Variants in CROCC2 observed in about 807,000 individuals in gnomAD.
CROCC2 encodes the protein ciliary rootlet coiled-coil protein 2.
In CROCC2, 163 loss-of-function variants were observed where a neutral mutation model predicts 177.6. The observed-to-expected ratio is 0.92, with a 90% CI of 0.81 to 1.05. The LOEUF (loss-of-function observed/expected upper bound fraction) is 1.05. CROCC2 is among the 50% of genes least tolerant of loss of function. CROCC2 has a pLI of 0.00. For synonymous variants in CROCC2, 904 were observed against 787.3 expected (o/e 1.15, Z -2.48); for missense variants, 1,929 against 1,797.8 (o/e 1.07, Z -1.32).
At chr2:240,971,410 G>A (rs1045504575) in intron 27 of CROCC2, among the ~76,000 whole-genome samples, 9 of 152,164 alleles carry the variant, frequency 5.9e-5, no homozygotes, top group Admixed American at 2.6e-4. Flanking sequence ...GGGTGGGGCC[G>A]CTCATGGCAT....
intron 27 of CROCC2, among the ~76,000 whole-genome samples, chr2:240,970,703 AG>A (rs923799915): frequency 6.6e-6 from 1 of 152,002 alleles, no homozygotes; most frequent in Non-Finnish European, 1.5e-5. Flanking sequence ...CCTGCTCCCC[AG>A]GGGGGCTCTG....
chr2:240,955,780 C>G (rs1465098692), intron 18 of CROCC2, 79 bp from the exon 19 acceptor site: 5 of 974,738 alleles, frequency 5.1e-6, no homozygotes, highest in Non-Finnish European at 7.8e-6. Context: ...CATTCTGCCA[C>G]AGCCTCTCCT....
chr2:240,906,604 G>C lies in CROCC2; in HGVS notation c.78+13G>C, dbSNP rs1160971801. On this transcript the variant is annotated intron_variant, in intron 1 of 31. Transcript: ENST00000690015. ...CACCGTGATCCAGGTCAGTGGGGTG[G>C]TCACTTCCCTGCACCCTCCTGAGAG... 4 of 398,994 alleles carry C rather than the reference G, an allele frequency of 1.0e-5. No individual in the cohort carries two copies. The highest frequency in any genetic ancestry group is 8.8e-5 in the Admixed American group (2 of 22,716). 24.7% of individuals were successfully genotyped at this position (398,994 alleles called of 1,614,324 possible).
rs565863475 is a variant in CROCC2 at position 240,965,989 on chromosome 2, C to G, written c.3957C>G (p.Thr1319=). 189 of 1,366,366 alleles carry G rather than the reference C, an allele frequency of 1.4e-4. 1 individual carries two copies. The Middle Eastern group carries it at 1.8e-3, about 13-fold the overall frequency. The allele number at this position is 1,366,366 out of a possible 1,614,324, so 84.6% of individuals were successfully genotyped here. ...CCCCGGAGCAGCCTGGTTCCCCCACCAAAGGTCAGAGTCCTCAGTGGAGGC... is the reference window on the plus strand; with the variant it reads ...CCCCGGAGCAGCCTGGTTCCCCCACGAAAGGTCAGAGTCCTCAGTGGAGGC... ...WASPEQPGSP[T]KGSDSSQALP... is the part of the protein sequence containing the mutation. The change falls in exon 24 of 32, where the codon ACC becomes ACG. Residue 1319 remains threonine, a synonymous_variant. Transcript: ENST00000690015.
At chr2:240,966,027 C>G in intron 24 of CROCC2, 34 bp downstream of exon 24, 1 of 1,325,320 alleles carries the variant, frequency 7.5e-7, no homozygotes, top group Non-Finnish European at 9.6e-7. Context: ...GCGGGCCCCT[C>G]TCCCAGCTCA....
chr2:240,959,341 A>C lies in CROCC2; in HGVS notation c.2984A>C (p.Gln995Pro). ...ACGACTGAGGAGCTGAAGGCCCTCC[A>C]GGCCCAGTTTGAGGATGCCATCACA... ...SATTEELKAL[Q>P]AQFEDAITAH... Residue 995 changes from glutamine (Q) to proline (P), a missense_variant, in exon 20 of 32, where the codon CAG becomes CCG. Gln to Pro is a moderately conservative substitution (Grantham distance 76). Coordinates refer to ENST00000690015, the MANE Select transcript of CROCC2 (RefSeq NM_001351305.2). 6.4e-7 allele frequency: 1 copy of C among 1,550,626 alleles called. No homozygotes were observed. Among genetic ancestry groups the C allele is most frequent in the Non-Finnish European group, 8.7e-7 (1 of 1,146,982 alleles).
chr2:240,921,241 G>A (rs74000118), intron 3 of CROCC2, among the ~76,000 whole-genome samples: 2,177 of 152,206 alleles, frequency 0.014, 49 homozygotes, highest in African/African-American at 0.05. Flanking sequence ...CTCTCTGAGG[G>A]GCCCGTTCTC....
At chr2:240,914,778 G>A (rs972766707) in intron 1 of CROCC2, among the ~76,000 whole-genome samples, 1 of 152,196 alleles carries the variant, frequency 6.6e-6, no homozygotes, top group Non-Finnish European at 1.5e-5. Context: ...AGCAGGACGG[G>A]ACGACGGGGT....
chr2:240,917,304 G>T lies in CROCC2; in HGVS notation c.79-1422G>T, dbSNP rs189646626. 1.8e-4 allele frequency among the ~76,000 whole-genome samples: 24 copies of T among 136,636 alleles called. No homozygotes were observed. Among genetic ancestry groups the T allele is most frequent in the Non-Finnish European group, 3.2e-4 (22 of 67,738 alleles). 89.6% of individuals were successfully genotyped at this position (136,636 alleles called of 152,430 possible). ...TGACTCTCCAACCCCGGCGAGGGGG[G>T]CCGCGATCTTTGGGGTGCAGATGGA... On this transcript the variant is annotated intron_variant, in intron 1 of 31. Transcript: ENST00000690015. The surrounding 1 kb of genome is among the most constrained non-coding windows in gnomAD (Gnocchi z 4.9).
At position 240,964,467 on chromosome 2, in the gene CROCC2, T is replaced by A. The variant is rs879919757; in HGVS notation, c.3307T>A (p.Phe1103Ile). Residue 1103 changes from phenylalanine (F) to isoleucine (I), a missense_variant and splice_region_variant, in exon 22 of 32, where the codon TTT becomes ATT. This residue lies in a region of CROCC2 where 1,397 missense variants were observed against 1,239.9 expected (regional missense o/e 1.13). Transcript: ENST00000690015. ...ICRAEQEKAS[F>I]KRSKEEKEQK... is the part of the protein sequence containing the mutation. ...CCCAGCCTGTGGCACCCTCGTCAGT[T>A]TTAAGCGGTCCAAGGAGGAGAAGGA... The A allele has an allele frequency of 1.4e-4, 223 of 1,548,256 alleles. No homozygotes were observed. Among genetic ancestry groups the A allele is most frequent in the Non-Finnish European group, 1.8e-4 (202 of 1,146,742 alleles).
chr2:240,952,364 C>T (rs1013518892), intron 18 of CROCC2, among the ~76,000 whole-genome samples: 2 of 151,158 alleles, frequency 1.3e-5, no homozygotes, highest in African/African-American at 2.4e-5. Flanking sequence ...TTACAGTAGC[C>T]GAAATAGCCA....
chr2:240,965,623 A>T lies in CROCC2; in HGVS notation c.3604-13A>T, dbSNP rs941959227. 1 of 1,550,350 alleles carries T rather than the reference A, an allele frequency of 6.5e-7. No homozygotes were observed. The highest frequency in any genetic ancestry group is 8.7e-7 in the Non-Finnish European group (1 of 1,146,854). On this transcript the variant is annotated splice_polypyrimidine_tract_variant and intron_variant, in intron 23 of 31. Transcript: ENST00000690015. ...CTGTCTCCCACGGGCGCACCCCAAC[A>T]TCCCTCCTACAGGTCCTGGGATTGC... is the stretch of plus-strand genomic sequence containing the variant.
intron 4 of CROCC2, among the ~76,000 whole-genome samples, chr2:240,923,362 C>T (rs1326252540): frequency 1.3e-5 from 2 of 151,808 alleles, no homozygotes; most frequent in Admixed American, 6.6e-5. Flanking sequence ...GTGGATCACC[C>T]ACTCACACCC....
intron 27 of CROCC2, among the ~76,000 whole-genome samples, chr2:240,980,298 G>T (rs1254097747): frequency 1.1e-5 from 1 of 95,214 alleles, no homozygotes; most frequent in Non-Finnish European, 2.1e-5. Context: ...CAGTCTCTGG[G>T]GTAGGAGCCT....
In CROCC2 at chr2:240,989,701, C is replaced by A. The variant is rs574541659; in HGVS notation, c.4731C>A (p.Asp1577Glu). Residue 1577 changes from aspartate to glutamate, a missense_variant, in exon 30 of 32, where the codon GAC becomes GAA. By Grantham distance (45) the Asp-to-Glu change is conservative (BLOSUM62 2). Coordinates refer to ENST00000690015, the MANE Select transcript of CROCC2 (RefSeq NM_001351305.2). ...AGGCCCACACCCAGCGGCTCCAGGA[C>A]CTGACAGCTCAGCACCAGCGGGACC... ...MEQAHTQRLQ[D>E]LTAQHQRDLA... 1 of 1,550,178 alleles carries A rather than the reference C, an allele frequency of 6.5e-7. No individual in the cohort carries two copies. The highest frequency in any genetic ancestry group is 8.7e-7 in the Non-Finnish European group (1 of 1,146,690).
rs546949601 is a variant in CROCC2, at chr2:240,917,157, G to T, written c.79-1569G>T. ...CTGGTGCACGGGCTGTCGGGAGGAC[G>T]GGCGGGCTGGCCCCAGACCTCAGCT... On this transcript the variant is annotated intron_variant, in intron 1 of 31. Transcript: ENST00000690015. The surrounding 1 kb of genome is among the most constrained non-coding windows in gnomAD (Gnocchi z 4.9). Among the ~76,000 whole-genome samples the T allele has an allele frequency of 1.3e-5, 2 of 152,300 alleles. No individual in the cohort carries two copies. The highest frequency in any genetic ancestry group is 2.1e-4 in the South Asian group (1 of 4,816).
At chr2:240,916,979 G>C (rs1003920209) in intron 1 of CROCC2, among the ~76,000 whole-genome samples, 8 of 152,146 alleles carry the variant, frequency 5.3e-5, no homozygotes, top group African/African-American at 1.9e-4. Flanking sequence ...GTCCCAGCTG[G>C]GCCCAGGAGG....
chr2:240,948,743 C>G (rs2059536972), intron 15 of CROCC2, among the ~76,000 whole-genome samples: 1 of 152,184 alleles, frequency 6.6e-6, no homozygotes, highest in East Asian at 1.9e-4. Flanking sequence ...TGTGGGGGTC[C>G]AGTTGCGTGC....
In CROCC2 at chr2:240,917,700, C is replaced by T. The variant is rs2059329513; in HGVS notation, c.79-1026C>T. Among the ~76,000 whole-genome samples, 1 of 152,158 alleles carries T rather than the reference C, an allele frequency of 6.6e-6. No homozygotes were observed. Among genetic ancestry groups the T allele is most frequent in the East Asian group, 1.9e-4 (1 of 5,186 alleles). Reference sequence around the variant, plus strand: ...CCTAGGAGTGGACATCCCCTCCCAGCTTCCCCTGGCAAGCATCCAGTCACC... The same window carrying T: ...CCTAGGAGTGGACATCCCCTCCCAGTTTCCCCTGGCAAGCATCCAGTCACC... On this transcript the variant is annotated intron_variant, in intron 1 of 31. Transcript: ENST00000690015. This position sits in a 1 kb window ranked among gnomAD's most constrained non-coding sequence, Gnocchi z 4.9.
Sources: gnomAD v4.1 joint callset for allele counts (sites outside exome capture counted in the v4.1 genomes callset) on GRCh38, gnomAD v4.1.1 for gene constraint, gnomAD v4.1.1 regional missense constraint, Gnocchi (gnomAD v3.1) non-coding constraint, MANE v1.5 for transcripts, NCBI Gene and HGNC (gene_info 2026-07-23, HGNC 2026-07-21) for gene names.